Variants in NMNAT2 observed in about 807,000 individuals in gnomAD.
NMNAT2 encodes nicotinamide nucleotide adenylyltransferase 2.
Under a neutral mutation model 41.6 loss-of-function variants are expected in NMNAT2, and 11 were observed. That is an observed-to-expected ratio of 0.26 (90% CI 0.17 to 0.44). The LOEUF is 0.44. Ranked by LOEUF, NMNAT2 falls within the 20% of genes least tolerant of loss-of-function variation. NMNAT2 has a pLI of 1.00. For missense variants in NMNAT2, 288 were observed against 407.7 expected (o/e 0.71, Z 2.53); for synonymous variants, 148 against 151.2 (o/e 0.98, Z 0.16).
In NMNAT2 at chr1:183,370,620, G is replaced by C. The variant is rs191271281; in HGVS notation, c.85+47563C>G. On this transcript the variant is annotated intron_variant, in intron 1 of 10. Transcript: ENST00000287713. ...AGTGCTCTCCATATCAGGTGTGCTC[G>C]GGCACAAGGAATGAGGAAGAGGAAG... is the stretch of plus-strand genomic sequence containing the variant. Among the ~76,000 whole-genome samples the C allele has an allele frequency of 1.6e-3, 240 of 152,250 alleles. 1 individual carries two copies. Among genetic ancestry groups the C allele is most frequent in the African/African-American group, 5.5e-3 (228 of 41,526 alleles).
chr1:183,321,846 T>C (rs988122492), intron 1 of NMNAT2, among the ~76,000 whole-genome samples: 2 of 152,158 alleles, frequency 1.3e-5, no homozygotes, highest in African/African-American at 4.8e-5. Flanking sequence ...TGAGACAGGG[T>C]CTCGATTTGT....
chr1:183,260,496 A>G (rs1423131273), intron 10 of NMNAT2, among the ~76,000 whole-genome samples: 1 of 151,938 alleles, frequency 6.6e-6, no homozygotes, highest in Non-Finnish European at 1.5e-5. Flanking sequence ...ATCTAAGACT[A>G]GCTAATGGAC....
At chr1:183,405,073 A>G (rs1454564851) in intron 1 of NMNAT2, among the ~76,000 whole-genome samples, 1 of 152,130 alleles carries the variant, frequency 6.6e-6, no homozygotes, top group Non-Finnish European at 1.5e-5. Flanking sequence ...AGCAAAAATT[A>G]GCCAGGCGCG....
At chr1:183,404,417 G>A (rs561691418) in intron 1 of NMNAT2, among the ~76,000 whole-genome samples, 2 of 152,298 alleles carry the variant, frequency 1.3e-5, no homozygotes, top group South Asian at 4.1e-4. Flanking sequence ...CACTTAGCTA[G>A]CCTGTGCCAT....
intron 1 of NMNAT2, among the ~76,000 whole-genome samples, chr1:183,342,693 C>A (rs2102346536): frequency 6.6e-6 from 1 of 152,182 alleles, no homozygotes; most frequent in Middle Eastern, 3.4e-3. Flanking sequence ...CTTGACATAG[C>A]CTGTTGGATA....
At position 183,286,672 on chromosome 1, in the gene NMNAT2, C is replaced by T; in HGVS notation, c.438G>A (p.Lys146=). The T allele has an allele frequency of 6.2e-7, 1 of 1,609,322 alleles. No individual in the cohort carries two copies. The highest frequency in any genetic ancestry group is 8.5e-7 in the Non-Finnish European group (1 of 1,177,786). The part of the protein sequence containing the change: ...PIYQNSNVAT[K]PTAAKILGKV... Reference sequence around the variant, plus strand: ...TCAGTGTTCCCCTACCTGCAGTGGGCTTGGTGGCCACGTTGCTGTTCTGGT... The same window carrying T: ...TCAGTGTTCCCCTACCTGCAGTGGGTTTGGTGGCCACGTTGCTGTTCTGGT... The change falls in exon 5 of 11, where the codon AAG becomes AAA. Residue 146 remains lysine, a synonymous_variant. Coordinates refer to ENST00000287713, the MANE Select transcript of NMNAT2 (RefSeq NM_015039.4).
intron 8 of NMNAT2, among the ~76,000 whole-genome samples, chr1:183,270,667 A>T (rs922163998): frequency 2.6e-5 from 4 of 152,212 alleles, no homozygotes; most frequent in African/African-American, 9.7e-5. Flanking sequence ...TGGAAACCAA[A>T]CCAACAGTGC....
intron 1 of NMNAT2, among the ~76,000 whole-genome samples, chr1:183,397,600 C>T (rs1648686261): frequency 6.6e-6 from 1 of 152,042 alleles, no homozygotes; most frequent in Admixed American, 6.5e-5. Flanking sequence ...CCCCAAGACA[C>T]ATAATTGTCA....
chr1:183,410,870 A>C (rs1454268836), intron 1 of NMNAT2, among the ~76,000 whole-genome samples: 1 of 151,746 alleles, frequency 6.6e-6, no homozygotes, highest in Non-Finnish European at 1.5e-5. Context: ...GCCACATGCC[A>C]ACACACCCAG....
intron 3 of NMNAT2, among the ~76,000 whole-genome samples, 180 bp downstream of exon 3, chr1:183,292,610 C>A (rs943144048): frequency 6.6e-6 from 1 of 152,170 alleles, no homozygotes; most frequent in Non-Finnish European, 1.5e-5. Context: ...CAGTTTGGTT[C>A]AAAAATAAAG....
At chr1:183,325,487 G>A (rs560750763) in intron 1 of NMNAT2, among the ~76,000 whole-genome samples, 1 of 152,132 alleles carries the variant, frequency 6.6e-6, no homozygotes, top group South Asian at 2.1e-4. Flanking sequence ...TATCTTTATG[G>A]TTTTCTTTAA....
intron 8 of NMNAT2, among the ~76,000 whole-genome samples, chr1:183,272,793 C>T (rs1301132347): frequency 6.6e-6 from 1 of 152,216 alleles, no homozygotes; most frequent in African/African-American, 2.4e-5. Flanking sequence ...GGCTTTCTCC[C>T]CAGACCCATT....
At chr1:183,339,085 A>G (rs1662738852) in intron 1 of NMNAT2, among the ~76,000 whole-genome samples, 1 of 152,036 alleles carries the variant, frequency 6.6e-6, no homozygotes, top group Non-Finnish European at 1.5e-5. Flanking sequence ...AGTTCCTGAG[A>G]TCACAGTTTT....
At chr1:183,262,320 A>G (rs986596502) in intron 8 of NMNAT2, among the ~76,000 whole-genome samples, 7 of 152,004 alleles carry the variant, frequency 4.6e-5, no homozygotes, top group African/African-American at 1.7e-4. Flanking sequence ...AAAAAAAAAA[A>G]AGAAATCAAT....
rs1557897691 is a variant in NMNAT2 at position 183,389,815 on chromosome 1, A to G, written c.85+28368T>C. 6.9e-4 allele frequency among the ~76,000 whole-genome samples: 48 copies of G among 70,072 alleles called. 1 individual carries two copies. The highest frequency in any genetic ancestry group is 1.4e-3 in the East Asian group (2 of 1,432). 46.0% of individuals were successfully genotyped at this position (70,072 alleles called of 152,430 possible). The stretch of plus-strand genomic sequence containing the variant: ...AAGAAAGAAAGAAAGAAAGAAAGAA[A>G]GAAAGAAAGAAAGAAAGAAAGAAAG... On this transcript the variant is annotated intron_variant, in intron 1 of 10. Transcript: ENST00000287713.
At chr1:183,367,613 GT>G (rs1039417445) in intron 1 of NMNAT2, among the ~76,000 whole-genome samples, 3 of 152,220 alleles carry the variant, frequency 2.0e-5, no homozygotes, top group African/African-American at 7.2e-5. Context: ...AGGCGTAGCA[GT>G]AACTTTTACA....
At chr1:183,274,013 T>C (rs1230266046) in intron 8 of NMNAT2, among the ~76,000 whole-genome samples, 1 of 151,586 alleles carries the variant, frequency 6.6e-6, no homozygotes, top group Non-Finnish European at 1.5e-5. Context: ...CCTGGGTTCA[T>C]GCAATTCCCC....
At chr1:183,331,953 T>G (rs190416696) in intron 1 of NMNAT2, among the ~76,000 whole-genome samples, 2 of 152,248 alleles carry the variant, frequency 1.3e-5, no homozygotes, top group East Asian at 3.9e-4. Flanking sequence ...CCGGCTAATT[T>G]TTGTATTTTT....
intron 1 of NMNAT2, among the ~76,000 whole-genome samples, chr1:183,312,337 C>A (rs1308548565): frequency 3.3e-5 from 5 of 149,982 alleles, no homozygotes; most frequent in African/African-American, 1.2e-4. Flanking sequence ...CTCAAGCAAT[C>A]CTCCTGCCTC....
Sources: allele counts gnomAD v4.1 joint callset (sites outside exome capture counted in the v4.1 genomes callset), GRCh38; gene constraint gnomAD v4.1.1; transcripts MANE v1.5; gene names NCBI Gene and HGNC (gene_info 2026-07-23, HGNC 2026-07-21).